ANKFN1: variants seen among roughly 807,000 people sequenced by gnomAD.
ANKFN1 encodes ankyrin repeat and fibronectin type-III domain-containing protein 1.
A neutral mutation model predicts 108.7 loss-of-function variants in ANKFN1; 74 were observed. The observed-to-expected ratio is 0.68, with a 90% CI of 0.56 to 0.83. ANKFN1 has a LOEUF of 0.83. Among genes scored for constraint, ANKFN1 ranks in the 40% least tolerant of loss-of-function variants. The pLI, the probability that ANKFN1 is intolerant of heterozygous loss-of-function variation, is 0.00. For synonymous variants in ANKFN1, 547 were observed against 516.2 expected, an observed-to-expected ratio of 1.06 and a Z score of -0.81; for missense variants, 1,505 against 1,382.3, an observed-to-expected ratio of 1.09 and a Z score of -1.41.
At chr17:56,327,517 G>T (rs2045553565) in intron 4 of ANKFN1, among the ~76,000 whole-genome samples, 2 of 152,144 alleles carry the variant, frequency 1.3e-5, no homozygotes, top group Non-Finnish European at 2.9e-5. Context: ...CTGGAGAGAT[G>T]GGTGAAGTTT....
rs1053963822 is a variant in ANKFN1, at chr17:56,229,855, A to C, written c.53+1898A>C. 2.6e-5 allele frequency among the ~76,000 whole-genome samples: 4 copies of C among 152,002 alleles called. No homozygotes were observed. In the East Asian group the frequency reaches 7.7e-4, roughly 29 times the overall value. On this transcript the variant is annotated intron_variant, in intron 3 of 20. Transcript: ENST00000682825. ...CACTGGGATTATAAACAATCCAGAC[A>C]AAATGGGTCTACCCAGCTCCCCAAG...
At chr17:56,395,837 G>A (rs2047566966) in intron 8 of ANKFN1, among the ~76,000 whole-genome samples, 1 of 152,004 alleles carries the variant, frequency 6.6e-6, no homozygotes, top group Non-Finnish European at 1.5e-5. Context: ...GACAGAGCAA[G>A]ACTCTGACTC....
chr17:56,107,962 A>T (rs1424598037), intron 4 of ANKFN1, among the ~76,000 whole-genome samples: 1 of 152,178 alleles, frequency 6.6e-6, no homozygotes, highest in Non-Finnish European at 1.5e-5. Flanking sequence ...CCCAGGTTCA[A>T]GTGATTCCCC....
rs372748194 is a variant in ANKFN1 at position 56,457,919 on chromosome 17, A to T, written c.1497A>T (p.Ser499=). 2.5e-5 allele frequency: 40 copies of T among 1,613,966 alleles called. No homozygotes were observed. Among genetic ancestry groups the T allele is most frequent in the Non-Finnish European group, 3.3e-5 (39 of 1,180,016 alleles). The change falls in exon 14 of 21, where the codon TCA becomes TCT. Residue 499 remains serine (S), a synonymous_variant. Coordinates refer to ENST00000682825, the MANE Select transcript of ANKFN1 (RefSeq NM_001370326.1). ...TGAGGCAAAGCATACCAATATCCTC[A>T]TCCTCATCCACAGTGCTGCAAACTC... ...RWLRQSIPIS[S]SSSTVLQTRQ... is the part of the protein sequence containing the mutation.
chr17:56,096,059 T>C (rs964069683), intron 4 of ANKFN1, among the ~76,000 whole-genome samples: 3 of 152,194 alleles, frequency 2.0e-5, no homozygotes, highest in Non-Finnish European at 4.4e-5. Flanking sequence ...GCCATAATAA[T>C]AGTTTACTTG....
At chr17:56,300,868 C>G (rs540268317) in intron 3 of ANKFN1, among the ~76,000 whole-genome samples, 1 of 152,256 alleles carries the variant, frequency 6.6e-6, no homozygotes, top group African/African-American at 2.4e-5. Context: ...TTCCATGTTG[C>G]TTAGAATTTG....
chr17:56,170,807 T>TATATATACACACACACACACACAC (rs1361307404), intron 1 of ANKFN1, among the ~76,000 whole-genome samples: 13 of 61,452 alleles, frequency 2.1e-4, no homozygotes, highest in East Asian at 9.8e-4. Context: ...TATATATATA[T>TATATATACACACACACACACACAC]ACACACACAC....
chr17:56,238,647 A>G (rs1187671271), intron 3 of ANKFN1, among the ~76,000 whole-genome samples: 1 of 152,066 alleles, frequency 6.6e-6, no homozygotes, highest in Non-Finnish European at 1.5e-5. Flanking sequence ...GATTTCCTCC[A>G]TCCCTTTATT....
At chr17:56,329,991 A>G (rs2045617312) in intron 4 of ANKFN1, among the ~76,000 whole-genome samples, 1 of 152,228 alleles carries the variant, frequency 6.6e-6, no homozygotes, top group Admixed American at 6.5e-5. Context: ...TCCAGTCTCC[A>G]GAACTGTGAG....
chr17:56,466,070 AT>A (rs1342481435), intron 14 of ANKFN1, among the ~76,000 whole-genome samples: 1 of 152,200 alleles, frequency 6.6e-6, no homozygotes, highest in Non-Finnish European at 1.5e-5. Flanking sequence ...TGGGTAAGAA[AT>A]ATGTACAGAT....
chr17:56,500,158 A>ACTCTTG (rs1244107467), intron 20 of ANKFN1, among the ~76,000 whole-genome samples: 1 of 152,238 alleles, frequency 6.6e-6, no homozygotes, highest in African/African-American at 2.4e-5. Flanking sequence ...GTTACTTGTG[A>ACTCTTG]ATAAGGTAAA....
intron 4 of ANKFN1, among the ~76,000 whole-genome samples, chr17:56,141,241 G>A (rs112573866): frequency 1.2e-4 from 18 of 152,126 alleles, no homozygotes; most frequent in Admixed American, 7.2e-4. Context: ...TGTAGACAGC[G>A]CCACCACAAG....
intron 1 of ANKFN1, among the ~76,000 whole-genome samples, chr17:56,198,964 C>T (rs950010450): frequency 6.6e-6 from 1 of 152,132 alleles, no homozygotes; most frequent in African/African-American, 2.4e-5. Flanking sequence ...CTTGTTCTTG[C>T]AGATAAATGT....
intron 18 of ANKFN1, among the ~76,000 whole-genome samples, chr17:56,488,416 C>T (rs988400012): frequency 3.3e-5 from 5 of 152,088 alleles, no homozygotes; most frequent in African/African-American, 9.7e-5. Context: ...ATAATGTTAC[C>T]GTCTACTGAA....
intron 1 of ANKFN1, among the ~76,000 whole-genome samples, chr17:56,178,585 A>T (rs1437616539): frequency 6.6e-6 from 1 of 152,038 alleles, no homozygotes; most frequent in Non-Finnish European, 1.5e-5. Flanking sequence ...CTTTTCCCAA[A>T]TCAGACTCTC....
At chr17:56,308,985 A>AT (rs1205522951) in intron 3 of ANKFN1, among the ~76,000 whole-genome samples, 1 of 152,064 alleles carries the variant, frequency 6.6e-6, no homozygotes, top group Non-Finnish European at 1.5e-5. Flanking sequence ...TTGGTTAATG[A>AT]TTTTTTGCAT....
intron 8 of ANKFN1, among the ~76,000 whole-genome samples, chr17:56,414,089 C>T (rs141336440): frequency 4.9e-4 from 75 of 152,238 alleles, no homozygotes; most frequent in African/African-American, 1.7e-3. Flanking sequence ...TTCCATTTGC[C>T]AGTATTTTGT....
chr17:56,354,381 T>G (rs144482966), intron 6 of ANKFN1, among the ~76,000 whole-genome samples: 4 of 152,334 alleles, frequency 2.6e-5, no homozygotes, highest in Non-Finnish European at 5.9e-5. Context: ...TTTGCGTGTT[T>G]CTGTTTTGTA....
intron 4 of ANKFN1, among the ~76,000 whole-genome samples, chr17:56,147,945 A>T (rs1427231086): frequency 6.6e-6 from 1 of 152,164 alleles, no homozygotes; most frequent in Non-Finnish European, 1.5e-5. Context: ...TCTCTGCCAG[A>T]TCCTGTTCTA....
Sources: allele counts gnomAD v4.1 joint callset (sites outside exome capture counted in the v4.1 genomes callset), GRCh38; gene constraint gnomAD v4.1.1; transcripts MANE v1.5; gene names NCBI Gene and HGNC (gene_info 2026-07-23, HGNC 2026-07-21).